The following PZP variants were observed in gnomAD, a reference collection of about 807,000 sequenced individuals.
PZP encodes the protein PZP alpha-2-macroglobulin like.
A neutral mutation model predicts 179.8 loss-of-function variants in PZP; 150 were observed. The observed-to-expected ratio is 0.83, with a 90% confidence interval of 0.73 to 0.96. The LOEUF (loss-of-function observed/expected upper bound fraction) is 0.96. Among genes scored for constraint, PZP ranks in the 40% least tolerant of loss-of-function variants. The probability of loss-of-function intolerance (pLI) is 0.00; values close to 1 mark genes in which losing one functional copy is unlikely to be tolerated. For missense variants in PZP, 1,689 were observed against 1,764.0 expected, an observed-to-expected ratio of 0.96 and a Z score of 0.76; for synonymous variants, 624 against 652.3, an observed-to-expected ratio of 0.96 and a Z score of 0.66.
At chr12:9,173,033 A>G (rs749576954) in intron 15 of PZP, among the ~76,000 whole-genome samples, 1 of 152,358 alleles carries the variant, frequency 6.6e-6, no homozygotes, top group South Asian at 2.1e-4. Flanking sequence ...CATTCTTCTC[A>G]TTGCCACATG....
chr12:9,145,524 T>A (rs1181074066), downstream of PZP, among the ~76,000 whole-genome samples: 1 of 152,232 alleles, frequency 6.6e-6, no homozygotes, highest in Non-Finnish European at 1.5e-5. Flanking sequence ...ATATTTTAGT[T>A]TGTTATTTTT....
the PZP span, among the ~76,000 whole-genome samples, chr12:9,142,015 A>C: frequency 6.6e-6 from 1 of 152,162 alleles, no homozygotes; most frequent in Admixed American, 6.5e-5. Flanking sequence ...CCCTTTTATA[A>C]ATTTTTTCAT....
In PZP at chr12:9,153,303, G is replaced by T. The variant is rs368355873; in HGVS notation, c.3815C>A (p.Ala1272Glu). 7 of 1,614,134 alleles carry T rather than the reference G, an allele frequency of 4.3e-6. No homozygotes were observed. Among genetic ancestry groups the T allele is most frequent in the Non-Finnish European group, 5.9e-6 (7 of 1,180,000 alleles). The change falls in exon 30 of 36, where the codon GCA becomes GAA. Residue 1272 changes from alanine to glutamate, a missense_variant. Around this residue, in one of 3 missense-constraint regions of PZP, gnomAD observed 746 missense variants for 749.2 expected, o/e 1.00. Transcript: ENST00000261336. ...VALHALSRYG[A>E]ATFTRTEKTA... ...TTTCTCAGTTCTGGTGAAAGTGGCT[G>T]CTCCATACCTGGACAGGGCATGGAG...
At chr12:9,160,894 G>A (rs1941150550) in intron 23 of PZP, 139 bp downstream of exon 23, 6 of 743,820 alleles carry the variant, frequency 8.1e-6, no homozygotes, top group South Asian at 4.8e-5. Context: ...CAGCCTGGGC[G>A]ACAGAGCGAG....
At chr12:9,162,342 T>C in intron 22 of PZP, 2 of 393,802 alleles carry the variant, frequency 5.1e-6, no homozygotes, top group Non-Finnish European at 9.0e-6. Context: ...CACTGGGCTA[T>C]CCAGGTAAAA....
intron 11 of PZP, among the ~76,000 whole-genome samples, chr12:9,193,401 A>G (rs770520366): frequency 6.6e-5 from 10 of 152,210 alleles, no homozygotes; most frequent in African/African-American, 9.6e-5. Flanking sequence ...CCTTTTGCGC[A>G]TAAACACATC....
chr12:9,155,001 T>G (rs1387254039), intron 28 of PZP, among the ~76,000 whole-genome samples, 162 bp from the exon 29 acceptor site: 1 of 152,230 alleles, frequency 6.6e-6, no homozygotes, highest in East Asian at 1.9e-4. Flanking sequence ...CACACTTCTA[T>G]GCTGAACTTG....
At position 9,158,547 on chromosome 12, in the gene PZP, G is replaced by A; in HGVS notation, c.3167C>T (p.Ala1056Val). Residue 1056 changes from alanine to valine, a missense_variant, in exon 26 of 36, where the codon GCC (alanine) becomes GTC (valine). By Grantham distance (64) the Ala-to-Val change is moderately conservative (BLOSUM62 0). This residue lies in a region of PZP where 746 missense variants were observed against 749.2 expected (regional missense o/e 1.00). Transcript: ENST00000261336. ...AATGAAGATGTAGGATCGAGCCTGG[G>A]CGAAAGTCTTCAGTACAAAAGCTGT... ...WLTAFVLKTF[A>V]QARSYIFIDE... The A allele has an allele frequency of 1.9e-6, 3 of 1,614,110 alleles. No individual in the cohort carries two copies. The highest frequency in any genetic ancestry group is 2.5e-6 in the Non-Finnish European group (3 of 1,180,008).
chr12:9,164,063 T>C, intron 20 of PZP, 70 bp downstream of exon 20: 1 of 1,496,978 alleles, frequency 6.7e-7, no homozygotes, highest in Non-Finnish European at 9.1e-7. Context: ...AGAGAGAATA[T>C]GATGAAAAAA....
chr12:9,189,055 G>A (rs764634317), intron 13 of PZP, among the ~76,000 whole-genome samples: 1 of 152,244 alleles, frequency 6.6e-6, no homozygotes, highest in East Asian at 1.9e-4. Flanking sequence ...TCAATATCAT[G>A]AAAATGGTCA....
chr12:9,163,812 C>T, intron 20 of PZP, 23 bp from the exon 21 acceptor site: 1 of 1,605,992 alleles, frequency 6.2e-7, no homozygotes, highest in African/African-American at 1.3e-5. Context: ...ATATTGAAAA[C>T]ATGAGTATCC....
At chr12:9,194,634 T>G (rs1943658147) in intron 10 of PZP, among the ~76,000 whole-genome samples, 1 of 151,928 alleles carries the variant, frequency 6.6e-6, no homozygotes, top group African/African-American at 2.4e-5. Flanking sequence ...CCAGCTAATT[T>G]TTTGTATTTT....
chr12:9,169,158 T>G (rs998511564), intron 16 of PZP, among the ~76,000 whole-genome samples, 184 bp from the exon 17 acceptor site: 2 of 138,174 alleles, frequency 1.4e-5, no homozygotes, highest in African/African-American at 5.2e-5. Flanking sequence ...TTATTCTTTA[T>G]TCATTATTTT....
chr12:9,149,734 A>G (rs1781035890), intron 34 of PZP, 132 bp from the exon 35 acceptor site: 2 of 720,514 alleles, frequency 2.8e-6, no homozygotes, highest in Non-Finnish European at 4.5e-6. Context: ...ATGTAAATAG[A>G]CAAGAATTAA....
At chr12:9,198,394 CTTT>C (rs1371294460) in intron 7 of PZP, among the ~76,000 whole-genome samples, 2 of 152,082 alleles carry the variant, frequency 1.3e-5, no homozygotes, top group Non-Finnish European at 2.9e-5. Context: ...TATCATTCTT[CTTT>C]ATTTTGTTTT....
intron 15 of PZP, chr12:9,169,889 G>A (rs7303319): frequency 1.4e-5 from 3 of 211,104 alleles, no homozygotes; most frequent in Admixed American, 5.8e-5. Context: ...GAAAGAAGAC[G>A]TAACTTGCAT....
intron 28 of PZP, 145 bp from the exon 29 acceptor site, chr12:9,154,984 A>C (rs1940640763): frequency 3.6e-6 from 3 of 828,380 alleles, no homozygotes; most frequent in African/African-American, 1.7e-5. Context: ...CCTAAAACTC[A>C]CTAACTCACA....
chr12:9,158,795 T>C (rs1385451572), intron 25 of PZP, among the ~76,000 whole-genome samples: 1 of 150,856 alleles, frequency 6.6e-6, no homozygotes, highest in East Asian at 1.9e-4. Flanking sequence ...GTTGTTCAAT[T>C]CATTACCAGC....
chr12:9,165,736 T>C (rs980508346), intron 18 of PZP, among the ~76,000 whole-genome samples: 2 of 152,246 alleles, frequency 1.3e-5, no homozygotes, highest in Non-Finnish European at 2.9e-5. Context: ...CTGATTTGTT[T>C]ATGTGCCTGC....
Sources: gnomAD v4.1 joint callset for allele counts (sites outside exome capture counted in the v4.1 genomes callset) on GRCh38, gnomAD v4.1.1 for gene constraint, gnomAD v4.1.1 regional missense constraint, MANE v1.5 for transcripts, NCBI Gene and HGNC (gene_info 2026-07-23, HGNC 2026-07-21) for gene names.